PTGER3: variants seen among roughly 807,000 people sequenced by gnomAD.
PTGER3 encodes the protein prostaglandin E receptor 3.
A neutral mutation model predicts 34.7 loss-of-function variants in PTGER3; 22 were observed. The ratio of observed to expected loss-of-function variants is 0.63; its 90% CI spans 0.45 to 0.91. PTGER3 has a LOEUF of 0.91. Ranked by LOEUF, PTGER3 falls within the 40% of genes least tolerant of loss-of-function variation. The pLI, the probability that PTGER3 is intolerant of heterozygous loss-of-function variation, is 0.00. For synonymous variants in PTGER3, 241 were observed against 230.1 expected, an observed-to-expected ratio of 1.05 and a Z score of -0.43; for missense variants, 468 against 519.4, an observed-to-expected ratio of 0.90 and a Z score of 0.96.
At chr1:70,865,809 C>T in intron 4 of PTGER3, 1 of 1,366,062 alleles carries the variant, frequency 7.3e-7, no homozygotes, top group South Asian at 1.1e-5. Flanking sequence ...GGATCAATCA[C>T]AGTAGAGGTG....
At chr1:70,996,752 C>T (rs1297783832) in intron 2 of PTGER3, among the ~76,000 whole-genome samples, 1 of 151,864 alleles carries the variant, frequency 6.6e-6, no homozygotes, top group Admixed American at 6.5e-5. Flanking sequence ...CAAGCTCCGC[C>T]TCCCAGGTTC....
intron 4 of PTGER3, among the ~76,000 whole-genome samples, chr1:70,926,032 G>T (rs1648049598): frequency 6.6e-6 from 1 of 152,114 alleles, no homozygotes; most frequent in Non-Finnish European, 1.5e-5. Context: ...TACTTTTCTA[G>T]TAGTGAAATA....
chr1:70,988,552 A>C (rs1557716581), intron 2 of PTGER3, among the ~76,000 whole-genome samples: 1 of 152,190 alleles, frequency 6.6e-6, no homozygotes, highest in Non-Finnish European at 1.5e-5. Context: ...CCTACTGACC[A>C]GAAGGCAAAA....
intron 4 of PTGER3, among the ~76,000 whole-genome samples, chr1:70,931,119 C>A (rs1648646134): frequency 1.3e-5 from 2 of 152,168 alleles, no homozygotes; most frequent in African/African-American, 4.8e-5. Context: ...GGTTTCAGGG[C>A]CCATGCAAGT....
rs184521393 is a variant in PTGER3 at position 70,865,192 on chromosome 1, G to C, written c.*24-12333C>G. 2.0e-4 allele frequency among the ~76,000 whole-genome samples: 30 copies of C among 152,298 alleles called. No individual in the cohort carries two copies. In the East Asian group the frequency reaches 4.8e-3, roughly 25 times the overall value. On this transcript the variant is annotated intron_variant, in intron 4 of 4. Transcript: ENST00000370931. ...ATAAAGCTACTGATGAGGTCAGCAGGAGAGGTTTGTCTACCACCCTAAGGC... is the reference window on the plus strand; with the variant it reads ...ATAAAGCTACTGATGAGGTCAGCAGCAGAGGTTTGTCTACCACCCTAAGGC...
At chr1:70,912,559 T>C (rs1647083366) in intron 4 of PTGER3, among the ~76,000 whole-genome samples, 1 of 152,018 alleles carries the variant, frequency 6.6e-6, no homozygotes, top group Non-Finnish European at 1.5e-5. Flanking sequence ...AATCTCAAAA[T>C]GAAAGGTACA....
intron 4 of PTGER3, among the ~76,000 whole-genome samples, chr1:70,936,441 A>C (rs549609086): frequency 6.6e-6 from 1 of 152,300 alleles, no homozygotes; most frequent in South Asian, 2.1e-4. Context: ...TAATGAAACA[A>C]TTTTACTAAC....
chr1:71,025,602 A>G (rs1572965188), intron 1 of PTGER3, among the ~76,000 whole-genome samples: 1 of 152,302 alleles, frequency 6.6e-6, no homozygotes, highest in East Asian at 1.9e-4. Context: ...AAAATATAAC[A>G]CCATATCTTA....
chr1:70,897,533 A>T (rs148604605), intron 4 of PTGER3, among the ~76,000 whole-genome samples: 143 of 151,828 alleles, frequency 9.4e-4, no homozygotes, highest in African/African-American at 3.3e-3. Context: ...GTTCTTTATG[A>T]CTCCCACGTG....
At chr1:71,010,293 T>A (rs1657328385) in intron 2 of PTGER3, 2 of 984,480 alleles carry the variant, frequency 2.0e-6, no homozygotes, top group Non-Finnish European at 2.4e-6. Context: ...AAATTCATAT[T>A]TCTGTAATTA....
chr1:71,013,718 A>G (rs1657650056), intron 1 of PTGER3, among the ~76,000 whole-genome samples: 1 of 150,858 alleles, frequency 6.6e-6, no homozygotes, highest in African/African-American at 2.4e-5. Context: ...AAAAAAAAAA[A>G]GAAAACAAAT....
chr1:70,861,176 G>A (rs933092360), intron 4 of PTGER3, among the ~76,000 whole-genome samples: 5 of 152,112 alleles, frequency 3.3e-5, no homozygotes, highest in African/African-American at 1.2e-4. Context: ...TATGTTACAG[G>A]AATAGCAAGA....
intron 4 of PTGER3, among the ~76,000 whole-genome samples, chr1:70,885,982 A>G (rs1646490108): frequency 6.6e-6 from 1 of 152,044 alleles, no homozygotes; most frequent in African/African-American, 2.4e-5. Context: ...ATACTAATAA[A>G]CCTCATATGA....
Position 70,897,262 on chromosome 1 carries a change from T to C in PTGER3, c.*24-44403A>G, listed in dbSNP as rs115813132. Among the ~76,000 whole-genome samples, 401 of 152,290 alleles carry C rather than the reference T, an allele frequency of 2.6e-3. 3 individuals are homozygous for C. Among genetic ancestry groups the C allele is most frequent in the African/African-American group, 9.3e-3 (386 of 41,572 alleles). ...TCACATTTCCATTGCTTGAAGGGGT[T>C]GAAGTGTTCTTTAGCTTGAAGAAAA... is the stretch of plus-strand genomic sequence containing the variant. On this transcript the variant is annotated intron_variant, in intron 4 of 4. Coordinates refer to the PTGER3 transcript ENST00000370931.
intron 2 of PTGER3, among the ~76,000 whole-genome samples, chr1:71,001,765 A>G (rs1368978609): frequency 6.6e-6 from 1 of 152,204 alleles, no homozygotes; most frequent in African/African-American, 2.4e-5. Flanking sequence ...TATTTTTCCC[A>G]AGTTCACACA....
chr1:70,881,557 TTC>T (rs1277227510), intron 4 of PTGER3, among the ~76,000 whole-genome samples: 2 of 152,202 alleles, frequency 1.3e-5, no homozygotes, highest in East Asian at 3.9e-4. Flanking sequence ...GGGCTCATGT[TTC>T]TTCAGCCTTT....
At chr1:70,905,234 T>G (rs1029017737) in intron 4 of PTGER3, among the ~76,000 whole-genome samples, 1 of 151,758 alleles carries the variant, frequency 6.6e-6, no homozygotes, top group African/African-American at 2.4e-5. Context: ...GCTGCAGGGG[T>G]GGGGCATTCA....
intron 4 of PTGER3, among the ~76,000 whole-genome samples, chr1:70,935,160 G>A (rs933061027): frequency 6.6e-6 from 1 of 152,104 alleles, no homozygotes; most frequent in African/African-American, 2.4e-5. Context: ...CTGTGTTTGG[G>A]AAGAAGCACA....
intron 1 of PTGER3, among the ~76,000 whole-genome samples, chr1:71,033,846 T>A (rs1659601776): frequency 6.6e-6 from 1 of 152,146 alleles, no homozygotes; most frequent in African/African-American, 2.4e-5. Flanking sequence ...AAATTATAAA[T>A]CATGGCTCCT....
Sources: allele counts gnomAD v4.1 joint callset (sites outside exome capture counted in the v4.1 genomes callset), GRCh38; gene constraint gnomAD v4.1.1; transcripts MANE v1.5; gene names NCBI Gene and HGNC (gene_info 2026-07-23, HGNC 2026-07-21).